The following CRHR2 variants were observed in gnomAD, a reference collection of about 807,000 sequenced individuals.
The protein encoded by CRHR2 is corticotropin releasing hormone receptor 2, also known as corticotropin-releasing hormone receptor 2.
In CRHR2, 53 loss-of-function variants were observed where a neutral mutation model predicts 57.9. The ratio of observed to expected loss-of-function variants is 0.92; its 90% CI spans 0.73 to 1.15. The LOEUF (loss-of-function observed/expected upper bound fraction) is 1.15. Among genes scored for constraint, CRHR2 ranks in the 50% most tolerant of loss-of-function variants. The probability of loss-of-function intolerance (pLI) is 0.00; values close to 1 mark genes in which losing one functional copy is unlikely to be tolerated. For missense variants in CRHR2, 532 were observed against 542.6 expected, an observed-to-expected ratio of 0.98 and a Z score of 0.19; for synonymous variants, 213 against 220.9, an observed-to-expected ratio of 0.96 and a Z score of 0.32.
chr7:30,654,510 C>T (rs1783700102), intron 11 of CRHR2, among the ~76,000 whole-genome samples: 1 of 152,242 alleles, frequency 6.6e-6, no homozygotes, highest in African/African-American at 2.4e-5. Flanking sequence ...TCCACCCCAG[C>T]CCAGGTACGA....
At chr7:30,699,072 A>G (rs1476076827) in intron 1 of CRHR2, among the ~76,000 whole-genome samples, 1 of 152,218 alleles carries the variant, frequency 6.6e-6, no homozygotes, top group Non-Finnish European at 1.5e-5. Context: ...GACAGCGACA[A>G]GCCTCTTAGC....
intron 1 of CRHR2, among the ~76,000 whole-genome samples, chr7:30,698,783 C>T (rs546618478): frequency 6.6e-6 from 1 of 152,334 alleles, no homozygotes; most frequent in Admixed American, 6.5e-5. Flanking sequence ...GCTCACACCA[C>T]ACCAAGCATG....
At chr7:30,688,724 C>T in intron 2 of CRHR2, 1 of 446,678 alleles carries the variant, frequency 2.2e-6, no homozygotes, top group Non-Finnish European at 4.5e-6. Flanking sequence ...TGCAGCTCTG[C>T]AGTGGCTGGC....
In CRHR2 at chr7:30,665,284, C is replaced by A; in HGVS notation, c.426-97G>T. ...GTAGAGACTCAGCCTGGGATGAGGG[C>A]AGGGCTGCACTAGGAGCCACTTCCC... On this transcript the variant is annotated intron_variant, in intron 4 of 11. Coordinates refer to ENST00000471646, the MANE Select transcript of CRHR2 (RefSeq NM_001883.5). The surrounding 1 kb of genome is among the most constrained non-coding windows in gnomAD (Gnocchi z 4.5). 1 of 1,083,970 alleles carries A rather than the reference C, an allele frequency of 9.2e-7. No individual in the cohort carries two copies. Among genetic ancestry groups the A allele is most frequent in the South Asian group, 1.4e-5 (1 of 73,422 alleles). The allele number at this position is 1,083,970 out of a possible 1,614,324, so 67.1% of individuals were successfully genotyped here.
In CRHR2 at chr7:30,665,025, C is replaced by T; in HGVS notation, c.543+45G>A. 1.3e-6 allele frequency: 2 copies of T among 1,520,958 alleles called. No individual in the cohort carries two copies. The highest frequency in any genetic ancestry group is 1.8e-6 in the Non-Finnish European group (2 of 1,095,426). The allele number at this position is 1,520,958 out of a possible 1,614,324, so 94.2% of individuals were successfully genotyped here. ...GACAGACAGATGGGTGCCCCCGGAG[C>T]CCAGAGCCCCCCAGGTATAGCCCCG... On this transcript the variant is annotated intron_variant, in intron 5 of 11. Transcript: ENST00000471646. The surrounding 1 kb of genome is among the most constrained non-coding windows in gnomAD (Gnocchi z 4.5).
chr7:30,655,498 G>A (rs933531482), intron 10 of CRHR2, 82 bp downstream of exon 10: 2 of 1,505,840 alleles, frequency 1.3e-6, no homozygotes, highest in Non-Finnish European at 1.8e-6. Flanking sequence ...CAGTCCCACG[G>A]GACCCCCTTA....
chr7:30,682,569 C>T (rs527976767), upstream of CRHR2: 8 of 1,160,702 alleles, frequency 6.9e-6, no homozygotes, highest in East Asian at 3.5e-4. Flanking sequence ...CTCGGAGGGG[C>T]TCAGTCTCCA....
chr7:30,667,160 T>A, intron 3 of CRHR2, 68 bp downstream of exon 3: 1 of 1,448,986 alleles, frequency 6.9e-7, no homozygotes. Flanking sequence ...CCTTGGGATC[T>A]TCTCTGCTCA....
intron 2 of CRHR2, among the ~76,000 whole-genome samples, chr7:30,677,033 A>G (rs925655023): frequency 1.3e-5 from 2 of 152,180 alleles, no homozygotes; most frequent in Non-Finnish European, 2.9e-5. Context: ...AAAATGGACC[A>G]TGGCCAGGAG....
chr7:30,662,652 G>A (rs1364032648), intron 6 of CRHR2, 42 bp downstream of exon 6: 2 of 1,596,812 alleles, frequency 1.3e-6, no homozygotes, highest in African/African-American at 2.7e-5. Context: ...CTGGTGAGAA[G>A]TCCTCCCCCC....
At position 30,655,923 on chromosome 7, in the gene CRHR2, ATACCTG is replaced by A. The variant is rs1472754452; in HGVS notation, c.915_917+3del. ...TTGTGGGGTCAAGGGACCCCCTCACATACCTGTACTGGATTGTCTCGGATGTGGTGG... is the reference window on the plus strand; with the variant it reads ...TTGTGGGGTCAAGGGACCCCCTCACATACTGGATTGTCTCGGATGTGGTGG... On this transcript the variant is annotated splice_donor_variant and splice_donor_region_variant and coding_sequence_variant and intron_variant, in exon 9 of 12. Coordinates refer to ENST00000471646, the MANE Select transcript of CRHR2 (RefSeq NM_001883.5). LOFTEE classifies it high-confidence loss of function. 1.2e-6 allele frequency: 2 copies of A among 1,613,616 alleles called. No individual in the cohort carries two copies. Among genetic ancestry groups the A allele is most frequent in the Non-Finnish European group, 1.7e-6 (2 of 1,179,796 alleles).
At chr7:30,693,907 AT>A (rs1190506839) in intron 1 of CRHR2, among the ~76,000 whole-genome samples, 3 of 152,130 alleles carry the variant, frequency 2.0e-5, no homozygotes, top group Non-Finnish European at 4.4e-5. Flanking sequence ...TCCTGTTTCC[AT>A]TTTTCTTTCT....
chr7:30,682,429 C>T lies in CRHR2; in HGVS notation c.-149G>A. The T allele has an allele frequency of 2.2e-6, 3 of 1,356,560 alleles. No homozygotes were observed. The highest frequency in any genetic ancestry group is 2.8e-6 in the Non-Finnish European group (3 of 1,061,548). The allele number at this position is 1,356,560 out of a possible 1,614,324, so 84.0% of individuals were successfully genotyped here. A position where few individuals can be genotyped will look rare whatever the true frequency, so the allele number is the denominator to read the frequency against. On this transcript the variant is annotated 5_prime_UTR_variant, in exon 1 of 12. Transcript: ENST00000471646. ...GATCTCCCGGGCAGCCTTTGGGCGC[C>T]ACCTCCGGTCGCCCAGAGCTGTCAA... is the stretch of plus-strand genomic sequence containing the variant.
chr7:30,665,330 G>T lies in CRHR2; in HGVS notation c.426-143C>A. The T allele has an allele frequency of 2.4e-6, 2 of 839,948 alleles. No homozygotes were observed. Among genetic ancestry groups the T allele is most frequent in the Non-Finnish European group, 3.9e-6 (2 of 517,054 alleles). 52.0% of individuals were successfully genotyped at this position (839,948 alleles called of 1,614,324 possible). ...TTCCCACCCATGGTGGCCACAGTTG[G>T]GCCTCTGAGTCCAGCTCCCACTCTG... On this transcript the variant is annotated intron_variant, in intron 4 of 11. Coordinates refer to ENST00000471646, the MANE Select transcript of CRHR2 (RefSeq NM_001883.5). The surrounding 1 kb of genome is among the most constrained non-coding windows in gnomAD (Gnocchi z 4.5).
intron 1 of CRHR2, among the ~76,000 whole-genome samples, chr7:30,692,599 G>A (rs543583528): frequency 7.2e-5 from 11 of 152,154 alleles, no homozygotes; most frequent in Non-Finnish European, 1.5e-4. Context: ...AGAGGCAGGC[G>A]AGCCCAGGGC....
intron 2 of CRHR2, among the ~76,000 whole-genome samples, chr7:30,667,897 TA>T (rs1328528408): frequency 6.6e-6 from 1 of 152,178 alleles, no homozygotes; most frequent in African/African-American, 2.4e-5. Context: ...TGGCCAAGGA[TA>T]CAAAGATGAC....
intron 11 of CRHR2, 73 bp downstream of exon 11, chr7:30,654,966 C>G: frequency 1.3e-6 from 2 of 1,583,132 alleles, no homozygotes; most frequent in Non-Finnish European, 1.7e-6. Flanking sequence ...CCGGGCAGCA[C>G]CAATGGAGCT....
At chr7:30,671,834 G>A (rs1336822641) in intron 2 of CRHR2, among the ~76,000 whole-genome samples, 3 of 147,392 alleles carry the variant, frequency 2.0e-5, no homozygotes, top group Admixed American at 6.8e-5. Flanking sequence ...TGATGATGAT[G>A]ATGATGATAA....
At chr7:30,690,072 G>C (rs1170769359) in intron 1 of CRHR2, among the ~76,000 whole-genome samples, 1 of 152,250 alleles carries the variant, frequency 6.6e-6, no homozygotes, top group Non-Finnish European at 1.5e-5. Flanking sequence ...CAGAGTGGGT[G>C]CTGGATGTGC....
Sources: gnomAD v4.1 joint callset for allele counts (sites outside exome capture counted in the v4.1 genomes callset) on GRCh38, gnomAD v4.1.1 for gene constraint, Gnocchi (gnomAD v3.1) non-coding constraint, MANE v1.5 for transcripts, NCBI Gene and HGNC (gene_info 2026-07-23, HGNC 2026-07-21) for gene names.